TSPAN9: variants seen among roughly 807,000 people sequenced by gnomAD.
TSPAN9 encodes the protein tetraspanin 9, also known as tetraspanin-9.
TSPAN9 carries 16 observed loss-of-function variants against 31.0 expected under a neutral mutation model. That is an observed-to-expected ratio of 0.52 (90% CI 0.35 to 0.78). The LOEUF (loss-of-function observed/expected upper bound fraction) is 0.78, where lower values mean the gene tolerates loss of function less well. Ranked by LOEUF, TSPAN9 falls within the 30% of genes least tolerant of loss-of-function variation. The pLI, the probability that TSPAN9 is intolerant of heterozygous loss-of-function variation, is 0.01. For synonymous variants in TSPAN9, 145 were observed against 121.6 expected (o/e 1.19, Z -1.27); for missense variants, 272 against 312.5 (o/e 0.87, Z 0.98).
chr12:3,143,405 T>G lies in TSPAN9; in HGVS notation c.-17-57772T>G, dbSNP rs1308959615. Among the ~76,000 whole-genome samples, 1 of 151,558 alleles carries G rather than the reference T, an allele frequency of 6.6e-6. No individual in the cohort carries two copies. The highest frequency in any genetic ancestry group is 6.6e-5 in the Admixed American group (1 of 15,214). On this transcript the variant is annotated intron_variant, in intron 2 of 8. Transcript: ENST00000011898. The surrounding 1 kb of genome is among the most constrained non-coding windows in gnomAD (Gnocchi z 4.2). The stretch of plus-strand genomic sequence containing the variant: ...TTTAGCATCCATCAGGGGTTTTTGC[T>G]TGCAGCTCTTATAATTGTGGTGTTT...
At chr12:3,099,007 C>G (rs1280711817) in intron 2 of TSPAN9, among the ~76,000 whole-genome samples, 1 of 152,172 alleles carries the variant, frequency 6.6e-6, no homozygotes, top group Non-Finnish European at 1.5e-5. Context: ...CCTGCCTTGG[C>G]TCTCCAAAGT....
chr12:3,253,462 A>C (rs998882681), intron 3 of TSPAN9, among the ~76,000 whole-genome samples: 1 of 152,072 alleles, frequency 6.6e-6, no homozygotes, highest in Non-Finnish European at 1.5e-5. Flanking sequence ...AGTGGCACCC[A>C]CCTCCTCATA....
At chr12:3,146,511 T>C (rs12425308) in intron 2 of TSPAN9, among the ~76,000 whole-genome samples, 35,761 of 152,218 alleles carry the variant, frequency 0.23, 5,415 homozygotes, top group East Asian at 0.48. Flanking sequence ...AGGTCCTTGC[T>C]TTCATGGAAT....
chr12:3,195,365 A>T (rs2098366542), intron 2 of TSPAN9, among the ~76,000 whole-genome samples: 2 of 152,112 alleles, frequency 1.3e-5, no homozygotes, highest in South Asian at 4.2e-4. Flanking sequence ...TGGCATGTTG[A>T]TTTCATTTAT....
chr12:3,266,618 C>G (rs1247280095), intron 3 of TSPAN9, among the ~76,000 whole-genome samples: 1 of 152,164 alleles, frequency 6.6e-6, no homozygotes, highest in African/African-American at 2.4e-5. Context: ...TCCTGTGTGA[C>G]CAGGAGAGCC....
At chr12:3,145,710 G>A (rs145165059) in intron 2 of TSPAN9, among the ~76,000 whole-genome samples, 103 of 152,346 alleles carry the variant, frequency 6.8e-4, no homozygotes, top group African/African-American at 2.2e-3. Flanking sequence ...CTGTCCAGAT[G>A]GCTGGGGGAA....
chr12:3,283,448 T>G lies in TSPAN9; in HGVS notation c.*332T>G. On this transcript the variant is annotated 3_prime_UTR_variant, in exon 9 of 9. Coordinates refer to ENST00000011898, the MANE Select transcript of TSPAN9 (RefSeq NM_006675.5). ...CCCCTGCCCTTCCTCACACTGACAC[T>G]TTGTCCCCACATGGGGTGGGGAGCA... The G allele has an allele frequency of 8.9e-6, 2 of 224,012 alleles. No homozygotes were observed. Among genetic ancestry groups the G allele is most frequent in the Non-Finnish European group, 1.7e-5 (2 of 114,744 alleles). 13.9% of individuals were successfully genotyped at this position (224,012 alleles called of 1,614,324 possible).
intron 2 of TSPAN9, among the ~76,000 whole-genome samples, chr12:3,194,553 A>AT (rs1240804508): frequency 6.6e-6 from 1 of 151,994 alleles, no homozygotes; most frequent in Non-Finnish European, 1.5e-5. Flanking sequence ...CACCCAGCTA[A>AT]TTTTTGTATT....
chr12:3,223,489 C>T (rs971052855), intron 3 of TSPAN9, among the ~76,000 whole-genome samples: 2 of 152,140 alleles, frequency 1.3e-5, no homozygotes, highest in African/African-American at 2.4e-5. Context: ...TTTTCTATGC[C>T]GTTTGCTGCA....
intron 2 of TSPAN9, among the ~76,000 whole-genome samples, chr12:3,181,609 T>G (rs2098358615): frequency 6.6e-6 from 1 of 151,948 alleles, no homozygotes. Flanking sequence ...ATGAGCTCAT[T>G]TCATCCTAGG....
In TSPAN9 at chr12:3,112,137, A is replaced by G. The variant is rs182828410; in HGVS notation, c.-18+28418A>G. On this transcript the variant is annotated intron_variant, in intron 2 of 8. Transcript: ENST00000011898. Reference sequence around the variant, plus strand: ...CATCTAGTTGCTATTAGTAGTCTCTAATGAGCCTCTGAATTTCTGTGGTAT... The same window carrying G: ...CATCTAGTTGCTATTAGTAGTCTCTGATGAGCCTCTGAATTTCTGTGGTAT... 5.4e-5 allele frequency among the ~76,000 whole-genome samples: 8 copies of G among 149,444 alleles called. No individual in the cohort carries two copies. The East Asian group carries it at 1.4e-3, about 25-fold the overall frequency.
At chr12:3,111,895 A>G (rs2098318973) in intron 2 of TSPAN9, among the ~76,000 whole-genome samples, 1 of 152,190 alleles carries the variant, frequency 6.6e-6, no homozygotes, top group African/African-American at 2.4e-5. Context: ...TACCGGCTTC[A>G]GCCACTGCAC....
intron 2 of TSPAN9, among the ~76,000 whole-genome samples, chr12:3,155,862 C>T (rs1321417129): frequency 2.0e-5 from 3 of 152,266 alleles, no homozygotes; most frequent in African/African-American, 4.8e-5. Flanking sequence ...TCCTCCCCTC[C>T]GAGATCTCTA....
In TSPAN9 at chr12:3,107,285, T is replaced by C. The variant is rs1304889802; in HGVS notation, c.-18+23566T>C. 6.6e-6 allele frequency among the ~76,000 whole-genome samples: 1 copy of C among 152,178 alleles called. No homozygotes were observed. The highest frequency in any genetic ancestry group is 1.5e-5 in the Non-Finnish European group (1 of 68,028). ...CTGTTACTCATCCTTGACTGTTTCT[T>C]CTGACCTCGAAATCCAGCGAGTGAA... On this transcript the variant is annotated intron_variant, in intron 2 of 8. Transcript: ENST00000011898. This position sits in a 1 kb window ranked among gnomAD's most constrained non-coding sequence, Gnocchi z 4.1.
intron 3 of TSPAN9, among the ~76,000 whole-genome samples, chr12:3,233,731 A>G (rs1048736460): frequency 3.9e-5 from 6 of 152,304 alleles, no homozygotes; most frequent in Middle Eastern, 3.4e-3. Flanking sequence ...CATTTCTTTC[A>G]TGCACATGAA....
chr12:3,246,466 T>C (rs767489786), intron 3 of TSPAN9, among the ~76,000 whole-genome samples: 3 of 152,192 alleles, frequency 2.0e-5, no homozygotes, highest in Non-Finnish European at 4.4e-5. Flanking sequence ...CAGAAGGCCC[T>C]GAACACTGTT....
rs1862931715 is a variant in TSPAN9, at chr12:3,283,130, G to A, written c.*14G>A. On this transcript the variant is annotated 3_prime_UTR_variant, in exon 9 of 9. Transcript: ENST00000011898. ...TACGACGCATGAGCGGGCTGGCCGG[G>A]AGTGCCCACCCCGCCCTGCTGCCCT... 1 of 1,606,242 alleles carries A rather than the reference G, an allele frequency of 6.2e-7. No individual in the cohort carries two copies. The highest frequency in any genetic ancestry group is 2.2e-5 in the East Asian group (1 of 44,836).
chr12:3,226,549 G>T (rs1319255581), intron 3 of TSPAN9, among the ~76,000 whole-genome samples: 1 of 150,488 alleles, frequency 6.6e-6, no homozygotes, highest in African/African-American at 2.5e-5. Context: ...GGATTTGAGG[G>T]TGTATATATA....
chr12:3,210,738 C>CT (rs376848982), intron 3 of TSPAN9, among the ~76,000 whole-genome samples: 23,479 of 132,736 alleles, frequency 0.18, 2,229 homozygotes, highest in Middle Eastern at 0.28. Flanking sequence ...TCATGGATGT[C>CT]TTTTTTTTTT....
Sources: gnomAD v4.1 joint callset for allele counts (sites outside exome capture counted in the v4.1 genomes callset) on GRCh38, gnomAD v4.1.1 for gene constraint, Gnocchi (gnomAD v3.1) non-coding constraint, MANE v1.5 for transcripts, NCBI Gene and HGNC (gene_info 2026-07-23, HGNC 2026-07-21) for gene names.